The following RALYL variants were observed in gnomAD, a reference collection of about 807,000 sequenced individuals.
RALYL encodes RNA-binding Raly-like protein.
A neutral mutation model predicts 35.1 loss-of-function variants in RALYL; 29 were observed. That is an observed-to-expected ratio of 0.83 (90% CI 0.61 to 1.13). The LOEUF is 1.13. Among genes scored for constraint, RALYL ranks in the 50% most tolerant of loss-of-function variants. The pLI is 0.00. For synonymous variants in RALYL, 120 were observed against 127.6 expected (o/e 0.94, Z 0.40); for missense variants, 359 against 360.4 (o/e 1.00, Z 0.03).
chr8:84,758,459 G>C (rs991552299), intron 2 of RALYL, among the ~76,000 whole-genome samples: 4 of 152,284 alleles, frequency 2.6e-5, no homozygotes, highest in Admixed American at 1.3e-4. Flanking sequence ...CCTGAGAGTA[G>C]TTTACCTGAA....
intron 1 of RALYL, among the ~76,000 whole-genome samples, chr8:84,424,179 A>C (rs1226515943): frequency 6.7e-6 from 1 of 150,036 alleles, no homozygotes; most frequent in Non-Finnish European, 1.5e-5. Context: ...CATCACTTTC[A>C]GGTACACCAA....
chr8:84,216,363 G>T (rs566087280), intron 1 of RALYL, among the ~76,000 whole-genome samples: 1 of 151,942 alleles, frequency 6.6e-6, no homozygotes, highest in Admixed American at 6.6e-5. Context: ...TCTCAGCAGA[G>T]TTAAGAGATG....
At chr8:84,699,300 A>G (rs766212071) in intron 2 of RALYL, among the ~76,000 whole-genome samples, 3 of 152,090 alleles carry the variant, frequency 2.0e-5, no homozygotes, top group African/African-American at 7.2e-5. Context: ...AGTATTTTTT[A>G]TAAGTAAAAG....
chr8:84,461,621 C>A (rs891175932), intron 1 of RALYL, among the ~76,000 whole-genome samples: 5 of 151,582 alleles, frequency 3.3e-5, no homozygotes, highest in African/African-American at 1.2e-4. Flanking sequence ...GTTAATAATT[C>A]ACAAGTCTAT....
intron 1 of RALYL, among the ~76,000 whole-genome samples, chr8:84,253,080 G>A (rs990692942): frequency 4.0e-5 from 6 of 148,870 alleles, no homozygotes; most frequent in African/African-American, 1.2e-4. Context: ...TTAACAGCCT[G>A]TGCCCTTTAT....
intron 1 of RALYL, among the ~76,000 whole-genome samples, chr8:84,412,882 C>G (rs1230892453): frequency 6.6e-6 from 1 of 151,790 alleles, no homozygotes; most frequent in African/African-American, 2.4e-5. Context: ...TTCCAAGGTG[C>G]ACCTGGTAAT....
chr8:84,735,661 AC>A (rs1320493486), intron 2 of RALYL, among the ~76,000 whole-genome samples: 2 of 151,894 alleles, frequency 1.3e-5, no homozygotes, highest in African/African-American at 4.8e-5. Context: ...CAATCTATCT[AC>A]CCTTTTTACT....
chr8:84,528,728 T>A (rs2059074938), intron 1 of RALYL, among the ~76,000 whole-genome samples: 1 of 152,162 alleles, frequency 6.6e-6, no homozygotes, highest in African/African-American at 2.4e-5. Flanking sequence ...ATTGTGGTTT[T>A]CTTATGTTAA....
chr8:84,218,532 A>T (rs1821388979), intron 1 of RALYL, among the ~76,000 whole-genome samples: 1 of 152,004 alleles, frequency 6.6e-6, no homozygotes, highest in African/African-American at 2.4e-5. Flanking sequence ...TTTCACACAG[A>T]TTACTCTGGT....
At chr8:84,688,021 A>G (rs1001927469) in intron 2 of RALYL, among the ~76,000 whole-genome samples, 3 of 152,110 alleles carry the variant, frequency 2.0e-5, no homozygotes, top group Non-Finnish European at 4.4e-5. Flanking sequence ...TAAAAGAAAA[A>G]GAATTTAAAT....
chr8:84,410,509 C>A (rs1276033792), intron 1 of RALYL, among the ~76,000 whole-genome samples: 1 of 151,788 alleles, frequency 6.6e-6, no homozygotes, highest in African/African-American at 2.4e-5. Context: ...AAAAAAATCC[C>A]TCTTTTCTCT....
chr8:84,349,515 A>G (rs1033586463), intron 1 of RALYL, among the ~76,000 whole-genome samples: 1 of 150,180 alleles, frequency 6.7e-6, no homozygotes, highest in Non-Finnish European at 1.5e-5. Flanking sequence ...ACCACACTGG[A>G]CATCTTTGGT....
At chr8:84,771,735 T>C (rs954068608) in intron 2 of RALYL, among the ~76,000 whole-genome samples, 1 of 152,086 alleles carries the variant, frequency 6.6e-6, no homozygotes, top group African/African-American at 2.4e-5. Context: ...ATTTGGTGTT[T>C]TGACTCTCTT....
chr8:84,596,944 TTA>T (rs1814691227), intron 2 of RALYL, among the ~76,000 whole-genome samples: 1 of 152,068 alleles, frequency 6.6e-6, no homozygotes, highest in Non-Finnish European at 1.5e-5. Flanking sequence ...TCTCTGTTAC[TTA>T]AAGAAGCAGG....
At chr8:84,588,622 C>T (rs903210496) in intron 2 of RALYL, among the ~76,000 whole-genome samples, 1 of 152,096 alleles carries the variant, frequency 6.6e-6, no homozygotes, top group African/African-American at 2.4e-5. Flanking sequence ...AGAATTAGTA[C>T]ATAAGACTTT....
intron 2 of RALYL, chr8:84,706,040 G>A (rs1432177416): frequency 2.0e-6 from 3 of 1,535,086 alleles, no homozygotes; most frequent in South Asian, 1.2e-5. Flanking sequence ...ATGTACAAGA[G>A]CAAACGCAGA....
rs577789610 is a variant in RALYL, at chr8:84,290,506, C to T, written c.-24+106082C>T. The stretch of plus-strand genomic sequence containing the variant: ...TCTCTGGCGGGCAGGAGTGGGGGGT[C>T]ACAAGGTGCTCAGTGGGGGTGCTTT... On this transcript the variant is annotated intron_variant, in intron 1 of 8. Coordinates refer to ENST00000521268, the MANE Select transcript of RALYL (RefSeq NM_173848.7). Among the ~76,000 whole-genome samples, 18 of 150,870 alleles carry T rather than the reference C, an allele frequency of 1.2e-4. No homozygotes were observed. The South Asian group carries it at 3.6e-3, about 30-fold the overall frequency.
At chr8:84,401,294 C>A (rs917199247) in intron 1 of RALYL, among the ~76,000 whole-genome samples, 17 of 151,862 alleles carry the variant, frequency 1.1e-4, no homozygotes, top group African/African-American at 3.4e-4. Context: ...TGAATCTTAA[C>A]TCAATGTTTC....
intron 5 of RALYL, among the ~76,000 whole-genome samples, chr8:84,860,222 A>G (rs1837843320): frequency 6.6e-6 from 1 of 152,250 alleles, no homozygotes; most frequent in South Asian, 2.1e-4. Flanking sequence ...TAGCACTCTT[A>G]CATCATTGTA....
Sources: allele counts gnomAD v4.1 joint callset (sites outside exome capture counted in the v4.1 genomes callset), GRCh38; gene constraint gnomAD v4.1.1; transcripts MANE v1.5; gene names NCBI Gene and HGNC (gene_info 2026-07-23, HGNC 2026-07-21).